CCSER1: variants seen among roughly 807,000 people sequenced by gnomAD.
CCSER1 encodes coiled-coil serine rich protein 1.
A neutral mutation model predicts 82.0 loss-of-function variants in CCSER1; 41 were observed. The ratio of observed to expected loss-of-function variants is 0.50; its 90% CI spans 0.39 to 0.65. The LOEUF is 0.65. Among genes scored for constraint, CCSER1 ranks in the 30% least tolerant of loss-of-function variants. The pLI is 0.00. For synonymous variants in CCSER1, 414 were observed against 383.9 expected, an observed-to-expected ratio of 1.08 and a Z score of -0.92; for missense variants, 1,119 against 1,064.2, an observed-to-expected ratio of 1.05 and a Z score of -0.72.
intron 6 of CCSER1, among the ~76,000 whole-genome samples, chr4:90,650,511 C>T (rs1189760203): frequency 6.6e-6 from 1 of 152,082 alleles, no homozygotes; most frequent in Non-Finnish European, 1.5e-5. Context: ...TCTGAAACAA[C>T]CTGCTTGTGC....
chr4:90,173,976 A>G (rs561350367), intron 1 of CCSER1, among the ~76,000 whole-genome samples: 339 of 152,064 alleles, frequency 2.2e-3, no homozygotes, highest in Non-Finnish European at 3.4e-3. Flanking sequence ...TTCTCAGCCT[A>G]TTTTGTAGGA....
chr4:91,141,748 A>C (rs930375695), intron 10 of CCSER1, among the ~76,000 whole-genome samples: 1 of 152,186 alleles, frequency 6.6e-6, no homozygotes, highest in African/African-American at 2.4e-5. Context: ...CCCAACCAAC[A>C]GTGTATAAGC....
intron 1 of CCSER1, among the ~76,000 whole-genome samples, chr4:90,175,555 T>G (rs1023370026): frequency 2.6e-5 from 4 of 151,972 alleles, no homozygotes; most frequent in African/African-American, 9.7e-5. Flanking sequence ...TGACACACAA[T>G]AAAAGTTTAT....
At chr4:90,659,407 T>A (rs1730335043) in intron 6 of CCSER1, among the ~76,000 whole-genome samples, 1 of 152,098 alleles carries the variant, frequency 6.6e-6, no homozygotes, top group South Asian at 2.1e-4. Flanking sequence ...ATAAGAATTG[T>A]ACTTCATAAA....
chr4:90,901,374 C>T (rs1724630564), intron 8 of CCSER1, among the ~76,000 whole-genome samples: 1 of 151,908 alleles, frequency 6.6e-6, no homozygotes, highest in African/African-American at 2.4e-5. Context: ...TGTATAATTG[C>T]TTTACAGGAT....
intron 8 of CCSER1, among the ~76,000 whole-genome samples, chr4:90,827,625 C>G (rs1277908104): frequency 6.6e-6 from 1 of 152,096 alleles, no homozygotes; most frequent in South Asian, 2.1e-4. Flanking sequence ...CATGGACACT[C>G]TTTATATTTG....
chr4:90,846,924 G>T (rs1411366016), intron 8 of CCSER1, among the ~76,000 whole-genome samples: 1 of 152,136 alleles, frequency 6.6e-6, no homozygotes, highest in Non-Finnish European at 1.5e-5. Context: ...TGGGATTACA[G>T]GTGTGAGCCA....
chr4:91,062,740 A>G (rs2148741519), intron 9 of CCSER1, among the ~76,000 whole-genome samples: 1 of 151,904 alleles, frequency 6.6e-6, no homozygotes, highest in South Asian at 2.1e-4. Context: ...CTGGTCCTGG[A>G]CTCTTCATTT....
At chr4:90,506,623 G>A (rs1171416780) in intron 5 of CCSER1, among the ~76,000 whole-genome samples, 1 of 152,008 alleles carries the variant, frequency 6.6e-6, no homozygotes, top group Non-Finnish European at 1.5e-5. Context: ...AAATTAGCCA[G>A]GCATGGTAGT....
chr4:90,304,594 A>G (rs1312106773), intron 1 of CCSER1, among the ~76,000 whole-genome samples: 2 of 152,312 alleles, frequency 1.3e-5, no homozygotes, highest in African/African-American at 4.8e-5. Context: ...TGGGAATTGA[A>G]CAATGAGAAC....
At chr4:90,416,422 A>G (rs1755795961) in intron 4 of CCSER1, among the ~76,000 whole-genome samples, 1 of 152,232 alleles carries the variant, frequency 6.6e-6, no homozygotes, top group African/African-American at 2.4e-5. Context: ...TATCCAAGTT[A>G]GAATTCCAGC....
intron 5 of CCSER1, among the ~76,000 whole-genome samples, chr4:90,479,970 T>A (rs908101641): frequency 6.6e-6 from 1 of 152,230 alleles, no homozygotes; most frequent in Non-Finnish European, 1.5e-5. Flanking sequence ...CCACAATTGT[T>A]GAACTAGTTT....
chr4:91,461,971 C>G (rs1346612097), intron 10 of CCSER1, among the ~76,000 whole-genome samples: 1 of 152,146 alleles, frequency 6.6e-6, no homozygotes, highest in African/African-American at 2.4e-5. Flanking sequence ...AGCTCTTTTA[C>G]TATCTATTTA....
chr4:91,334,207 A>C (rs1051066766), intron 10 of CCSER1, among the ~76,000 whole-genome samples: 2 of 152,080 alleles, frequency 1.3e-5, no homozygotes, highest in Non-Finnish European at 2.9e-5. Context: ...TTTGTTATAC[A>C]GCCAATCTGT....
At chr4:91,082,500 G>A (rs1039284866) in intron 9 of CCSER1, among the ~76,000 whole-genome samples, 1 of 152,190 alleles carries the variant, frequency 6.6e-6, no homozygotes, top group Non-Finnish European at 1.5e-5. Flanking sequence ...ATAGGCATGA[G>A]CAAGGACTTT....
intron 10 of CCSER1, among the ~76,000 whole-genome samples, chr4:91,327,894 G>T (rs1746680171): frequency 6.6e-6 from 1 of 152,124 alleles, no homozygotes; most frequent in Admixed American, 6.5e-5. Context: ...GAGGCACAAT[G>T]CCACCAGTCT....
intron 10 of CCSER1, among the ~76,000 whole-genome samples, chr4:91,336,166 A>G (rs1410240027): frequency 1.3e-5 from 2 of 152,090 alleles, no homozygotes; most frequent in African/African-American, 4.8e-5. Flanking sequence ...TTGATAAGAG[A>G]ATCTCCATCT....
Position 90,718,608 on chromosome 4 carries a change from A to G in CCSER1, c.1933-5306A>G, listed in dbSNP as rs150739907. Among the ~76,000 whole-genome samples the G allele has an allele frequency of 5.7e-3, 864 of 152,258 alleles. 1 individual carries two copies. The highest frequency in any genetic ancestry group is 0.014 in the African/African-American group (597 of 41,560). ...CAGCTTTTCTGGGAGAACTTAATAG[A>G]TTAAAGATTCTCTGATGGAGAGATT... On this transcript the variant is annotated intron_variant, in intron 6 of 10. Coordinates refer to ENST00000509176, the MANE Select transcript of CCSER1 (RefSeq NM_001145065.2).
intron 10 of CCSER1, among the ~76,000 whole-genome samples, chr4:91,516,699 C>T: frequency 6.6e-6 from 1 of 151,908 alleles, no homozygotes; most frequent in East Asian, 1.9e-4. Context: ...GGTTCTTTTT[C>T]TTCCAAATGA....
Sources: gnomAD v4.1 joint callset for allele counts (sites outside exome capture counted in the v4.1 genomes callset) on GRCh38, gnomAD v4.1.1 for gene constraint, MANE v1.5 for transcripts, NCBI Gene and HGNC (gene_info 2026-07-23, HGNC 2026-07-21) for gene names.